Variants in ELP3 observed in about 807,000 individuals in gnomAD.
The protein encoded by ELP3 is elongator complex protein 3.
A neutral mutation model predicts 74.9 loss-of-function variants in ELP3; 56 were observed. That is an observed-to-expected ratio of 0.75 (90% CI 0.60 to 0.93). The LOEUF is 0.93. Ranked by LOEUF, ELP3 falls within the 40% of genes least tolerant of loss-of-function variation. The pLI is 0.00. For missense variants in ELP3, 573 were observed against 686.5 expected (o/e 0.83, Z 1.85); for synonymous variants, 222 against 239.8 (o/e 0.93, Z 0.68).
intron 7 of ELP3, among the ~76,000 whole-genome samples, chr8:28,120,478 A>G (rs1812324849): frequency 6.6e-6 from 1 of 152,224 alleles, no homozygotes; most frequent in Non-Finnish European, 1.5e-5. Flanking sequence ...TTTTGCAAAC[A>G]TGAAAACCCA....
chr8:28,129,749 G>C (rs917004006), intron 8 of ELP3, 86 bp downstream of exon 8: 1 of 1,508,960 alleles, frequency 6.6e-7, no homozygotes. Flanking sequence ...TCTTCCTTCT[G>C]ACCACTCTTA....
chr8:28,101,907 CA>C (rs1161967555), intron 3 of ELP3, among the ~76,000 whole-genome samples: 2 of 152,098 alleles, frequency 1.3e-5, no homozygotes, highest in Non-Finnish European at 2.9e-5. Context: ...TAGAGTTAAG[CA>C]TTATGTGTGG....
intron 11 of ELP3, among the ~76,000 whole-genome samples, chr8:28,158,084 T>C (rs1469646036): frequency 6.9e-6 from 1 of 144,338 alleles, no homozygotes; most frequent in Non-Finnish European, 1.5e-5. Flanking sequence ...ATCTTCAACA[T>C]GTAATTTTTG....
chr8:28,189,887 T>C lies in ELP3; in HGVS notation c.*162T>C. On this transcript the variant is annotated 3_prime_UTR_variant, in exon 15 of 15. Transcript: ENST00000256398. ...AAACTGCCTTCAAGGCCACGGCTGG[T>C]CATCTGCTGACCACACCCCAGATCC... 1.4e-6 allele frequency: 1 copy of C among 699,604 alleles called. No individual in the cohort carries two copies. 43.3% of individuals were successfully genotyped at this position (699,604 alleles called of 1,614,324 possible).
At chr8:28,182,788 C>T (rs1214979287) in intron 14 of ELP3, among the ~76,000 whole-genome samples, 1 of 152,186 alleles carries the variant, frequency 6.6e-6, no homozygotes, top group South Asian at 2.1e-4. Context: ...GATTAAGCCA[C>T]GTGGTGCGTA....
In ELP3 at chr8:28,147,492, C is replaced by T. The variant is rs1281437393; in HGVS notation, c.1101-8450C>T. On this transcript the variant is annotated intron_variant, in intron 10 of 14. Transcript: ENST00000256398. This position sits in a 1 kb window ranked among gnomAD's most constrained non-coding sequence, Gnocchi z 4.5. Reference sequence around the variant, plus strand: ...TTTTCTCACTCCCTGAAGGGATTTACAAACATTTAAAAGGTGAAAGCTGAA... The same window carrying T: ...TTTTCTCACTCCCTGAAGGGATTTATAAACATTTAAAAGGTGAAAGCTGAA... 6.6e-6 allele frequency among the ~76,000 whole-genome samples: 1 copy of T among 152,168 alleles called. No individual in the cohort carries two copies. The highest frequency in any genetic ancestry group is 1.5e-5 in the Non-Finnish European group (1 of 68,034).
intron 7 of ELP3, among the ~76,000 whole-genome samples, chr8:28,123,309 A>G (rs941026565): frequency 1.3e-5 from 2 of 152,158 alleles, no homozygotes; most frequent in African/African-American, 4.8e-5. Context: ...TTAATTTCCA[A>G]ATTTCCAGAC....
chr8:28,157,289 C>CAAAAAAAAAAAAAAAAAAAAAAAAAAA, intron 11 of ELP3, among the ~76,000 whole-genome samples: 1 of 106,762 alleles, frequency 9.4e-6, no homozygotes. Flanking sequence ...AAAAGCATGC[C>CAAAAAAAAAAAAAAAAAAAAAAAAAAA]AAAAAAAAAA....
At chr8:28,156,127 T>C in intron 11 of ELP3, 95 bp downstream of exon 11, 1 of 980,064 alleles carries the variant, frequency 1.0e-6, no homozygotes, top group Non-Finnish European at 1.6e-6. Context: ...AAAACCAGAC[T>C]TGCGGGTCAG....
intron 8 of ELP3, among the ~76,000 whole-genome samples, chr8:28,131,130 T>C (rs1004568216): frequency 6.6e-6 from 1 of 152,104 alleles, no homozygotes; most frequent in Non-Finnish European, 1.5e-5. Context: ...AAGAAGTGAA[T>C]GGTGGTGATT....
At chr8:28,164,514 T>C (rs1040827947) in intron 14 of ELP3, among the ~76,000 whole-genome samples, 2 of 152,160 alleles carry the variant, frequency 1.3e-5, no homozygotes, top group African/African-American at 4.8e-5. Context: ...GAATGCCTTC[T>C]TGGGACTCTA....
intron 10 of ELP3, among the ~76,000 whole-genome samples, chr8:28,152,090 C>T (rs1455343693): frequency 6.6e-6 from 1 of 152,192 alleles, no homozygotes; most frequent in East Asian, 1.9e-4. Flanking sequence ...AGTCTCTGGT[C>T]TCTGTTCTGG....
chr8:28,111,812 T>A (rs1811928177), intron 6 of ELP3, among the ~76,000 whole-genome samples: 1 of 152,210 alleles, frequency 6.6e-6, no homozygotes, highest in South Asian at 2.1e-4. Context: ...CTGAGTAACT[T>A]CTCCAAAACG....
chr8:28,129,301 C>T (rs930142938), intron 7 of ELP3: 16 of 555,324 alleles, frequency 2.9e-5, no homozygotes, highest in Non-Finnish European at 4.5e-5. Context: ...TTAAAGGAAC[C>T]GAAGCACAGA....
upstream of ELP3, among the ~76,000 whole-genome samples, chr8:28,090,903 C>CTTTTTTTTTTTT (rs1563239681): frequency 1.9e-5 from 1 of 53,146 alleles, no homozygotes; most frequent in Non-Finnish European, 3.6e-5. Flanking sequence ...GTAAATGTTT[C>CTTTTTTTTTTTT]CTTTTTTTTT....
Position 28,137,861 on chromosome 8 carries a change from C to G in ELP3, c.1070C>G (p.Pro357Arg). Reference sequence around the variant, plus strand: ...GTGGCTCGGATCCTAGCCCTCGTGCCTCCATGGACTCGAGTGTACCGAGTA... The same window carrying G: ...GTGGCTCGGATCCTAGCCCTCGTGCGTCCATGGACTCGAGTGTACCGAGTA... ...ELVARILALVPPWTRVYRVQR... is the reference protein window; with the variant it reads ...ELVARILALVRPWTRVYRVQR... The change falls in exon 10 of 15, where the codon CCT becomes CGT. Residue 357 changes from proline (P) to arginine (R), a missense_variant. By Grantham distance (103) the Pro-to-Arg change is moderately radical. Transcript: ENST00000256398. The G allele has an allele frequency of 6.2e-7, 1 of 1,612,976 alleles. No individual in the cohort carries two copies. Among genetic ancestry groups the G allele is most frequent in the African/African-American group, 1.3e-5 (1 of 74,920 alleles).
chr8:28,116,371 G>A (rs567509275), intron 7 of ELP3, among the ~76,000 whole-genome samples: 1 of 152,296 alleles, frequency 6.6e-6, no homozygotes, highest in East Asian at 1.9e-4. Context: ...TGGACCTGTA[G>A]CATTGTGATT....
chr8:28,130,703 A>G (rs1812756163), intron 8 of ELP3, among the ~76,000 whole-genome samples: 1 of 152,238 alleles, frequency 6.6e-6, no homozygotes, highest in Non-Finnish European at 1.5e-5. Flanking sequence ...TTTCTGAAGA[A>G]TACGACATCT....
rs1811982937 is a variant in ELP3 at position 28,113,063 on chromosome 8, G to A, written c.507G>A (p.Val169=). 1.2e-6 allele frequency: 2 copies of A among 1,613,934 alleles called. 1 individual carries two copies. The highest frequency in any genetic ancestry group is 3.3e-4 in the Middle Eastern group (2 of 6,058). The change falls in exon 7 of 15, where the codon GTG becomes GTA. Residue 169 remains valine, a synonymous_variant. Transcript: ENST00000256398. Reference sequence around the variant, plus strand: ...GTGTGGATAAAGTGGAGTTTATTGTGATGGGTGGAACGTTTATGGCCCTTC... The same window carrying A: ...GTGTGGATAAAGTGGAGTTTATTGTAATGGGTGGAACGTTTATGGCCCTTC... ...GHSVDKVEFI[V]MGGTFMALPE...
Sources: allele counts gnomAD v4.1 joint callset (sites outside exome capture counted in the v4.1 genomes callset), GRCh38; gene constraint gnomAD v4.1.1; non-coding constraint Gnocchi (gnomAD v3.1); transcripts MANE v1.5; gene names NCBI Gene and HGNC (gene_info 2026-07-23, HGNC 2026-07-21).